The following B4GALT5 variants were observed in gnomAD, a reference collection of about 807,000 sequenced individuals.
B4GALT5 encodes the protein UDP-Gal:beta-GlcNAc beta-1,4-galactosyltransferase 5.
B4GALT5 carries 11 observed loss-of-function variants against 45.0 expected under a neutral mutation model. The observed-to-expected ratio is 0.24, with a 90% CI of 0.15 to 0.40. B4GALT5 has a LOEUF of 0.40. Among genes scored for constraint, B4GALT5 ranks in the 10% least tolerant of loss-of-function variants. The pLI is 1.00. For synonymous variants in B4GALT5, 185 were observed against 182.9 expected (o/e 1.01, Z -0.09); for missense variants, 337 against 500.2 (o/e 0.67, Z 3.11).
At chr20:49,646,197 G>C (rs2085598563) in intron 3 of B4GALT5, among the ~76,000 whole-genome samples, 1 of 152,150 alleles carries the variant, frequency 6.6e-6, no homozygotes, top group Non-Finnish European at 1.5e-5. Context: ...AGGTATAATA[G>C]TAAGGTTCAT....
At position 49,653,798 on chromosome 20, in the gene B4GALT5, G is replaced by A. The variant is rs2085631544; in HGVS notation, c.250+2770C>T. 2.0e-5 allele frequency among the ~76,000 whole-genome samples: 3 copies of A among 152,198 alleles called. No homozygotes were observed. The East Asian group carries it at 5.8e-4, about 29-fold the overall frequency. ...GATTGTTCTAACCAGAGAGATGCAAGGAAAAGGTATTTGGGTGTATGATAA... is the reference window on the plus strand; with the variant it reads ...GATTGTTCTAACCAGAGAGATGCAAAGAAAAGGTATTTGGGTGTATGATAA... On this transcript the variant is annotated intron_variant, in intron 2 of 8. Transcript: ENST00000371711.
chr20:49,678,275 G>T (rs1016752033), intron 1 of B4GALT5, among the ~76,000 whole-genome samples: 1 of 152,192 alleles, frequency 6.6e-6, no homozygotes, highest in African/African-American at 2.4e-5. Context: ...TACTAATTTC[G>T]CAGAGCAAGT....
intron 7 of B4GALT5, among the ~76,000 whole-genome samples, chr20:49,637,772 T>TAAA (rs200578529): frequency 1.5e-5 from 2 of 134,082 alleles, no homozygotes; most frequent in Non-Finnish European, 3.2e-5. Flanking sequence ...CATCTCTACT[T>TAAA]AAAAAAAAAA....
chr20:49,636,534 G>A (rs1244684811), intron 8 of B4GALT5, 75 bp from the exon 9 acceptor site: 45 of 1,540,776 alleles, frequency 2.9e-5, no homozygotes, highest in Non-Finnish European at 4.0e-5. Flanking sequence ...GATGGAGCAG[G>A]GCGTCCCACA....
chr20:49,657,058 T>A (rs2123019324), intron 1 of B4GALT5, among the ~76,000 whole-genome samples: 1 of 152,308 alleles, frequency 6.6e-6, no homozygotes, highest in Non-Finnish European at 1.5e-5. Context: ...TTTTAAAGGT[T>A]TCTGCTCTCT....
At chr20:49,659,662 G>T (rs951480252) in intron 1 of B4GALT5, among the ~76,000 whole-genome samples, 8 of 152,036 alleles carry the variant, frequency 5.3e-5, no homozygotes, top group African/African-American at 1.9e-4. Flanking sequence ...GCATTTTAAG[G>T]AACACTCACC....
At chr20:49,649,096 C>A (rs1463062140) in intron 2 of B4GALT5, among the ~76,000 whole-genome samples, 1 of 152,170 alleles carries the variant, frequency 6.6e-6, no homozygotes, top group Non-Finnish European at 1.5e-5. Flanking sequence ...TATATGCACA[C>A]GGCTGCCTAC....
intron 1 of B4GALT5, among the ~76,000 whole-genome samples, chr20:49,657,170 G>A (rs1448178269): frequency 6.6e-6 from 1 of 152,090 alleles, no homozygotes; most frequent in Non-Finnish European, 1.5e-5. Flanking sequence ...CTGAAGCCAC[G>A]GTCTGGTCTT....
chr20:49,667,457 G>T (rs2085696319), intron 1 of B4GALT5, among the ~76,000 whole-genome samples: 1 of 151,888 alleles, frequency 6.6e-6, no homozygotes, highest in Admixed American at 6.6e-5. Flanking sequence ...GTTTCACTGT[G>T]TCAGCCAGGA....
rs569561090 is a variant in B4GALT5, at chr20:49,711,363, A to G, written c.115+2213T>C. Among the ~76,000 whole-genome samples, 22 of 152,334 alleles carry G rather than the reference A, an allele frequency of 1.4e-4. No individual in the cohort carries two copies. In the East Asian group the frequency reaches 1.7e-3, roughly 12 times the overall value. ...CTGTTGAGGAATCTTAATTAAATTGATAAGTTCCATTTCTGTTGAAGAATC... is the reference window on the plus strand; with the variant it reads ...CTGTTGAGGAATCTTAATTAAATTGGTAAGTTCCATTTCTGTTGAAGAATC... On this transcript the variant is annotated intron_variant, in intron 1 of 8. Coordinates refer to ENST00000371711, the MANE Select transcript of B4GALT5 (RefSeq NM_004776.4).
intron 1 of B4GALT5, among the ~76,000 whole-genome samples, chr20:49,712,842 G>T (rs542234958): frequency 2.0e-5 from 3 of 148,990 alleles, no homozygotes; most frequent in Non-Finnish European, 4.5e-5. Context: ...CGAGGTGGGG[G>T]GGGGGGAGAT....
At chr20:49,690,065 A>G (rs986784015) in intron 1 of B4GALT5, among the ~76,000 whole-genome samples, 2 of 152,122 alleles carry the variant, frequency 1.3e-5, no homozygotes, top group African/African-American at 2.4e-5. Flanking sequence ...GTGCAGTGGC[A>G]TGATCTCAGC....
At chr20:49,708,797 T>C (rs1477467270) in intron 1 of B4GALT5, among the ~76,000 whole-genome samples, 4 of 152,018 alleles carry the variant, frequency 2.6e-5, no homozygotes, top group African/African-American at 9.7e-5. Flanking sequence ...CCGGGTGTGG[T>C]GGCAGGTGCC....
chr20:49,670,904 T>C (rs971220626), intron 1 of B4GALT5, among the ~76,000 whole-genome samples: 5 of 152,166 alleles, frequency 3.3e-5, no homozygotes, highest in East Asian at 1.9e-4. Flanking sequence ...AAAGAAATAA[T>C]TGGATAAATA....
intron 3 of B4GALT5, among the ~76,000 whole-genome samples, chr20:49,644,432 A>G (rs2085590762): frequency 6.6e-6 from 1 of 152,122 alleles, no homozygotes; most frequent in African/African-American, 2.4e-5. Context: ...CTGAGCTTAG[A>G]GTCATGTCAG....
chr20:49,637,181 G>A (rs1280602782), intron 8 of B4GALT5, among the ~76,000 whole-genome samples, 160 bp downstream of exon 8: 1 of 152,156 alleles, frequency 6.6e-6, no homozygotes, highest in African/African-American at 2.4e-5. Flanking sequence ...TCCCCACACT[G>A]TTCTGCCTCA....
intron 1 of B4GALT5, among the ~76,000 whole-genome samples, chr20:49,657,519 T>A (rs2085648365): frequency 6.6e-6 from 1 of 152,244 alleles, no homozygotes; most frequent in Non-Finnish European, 1.5e-5. Flanking sequence ...ATGCCATCTA[T>A]TTTCAAGAAA....
At chr20:49,665,019 G>C (rs1336983820) in intron 1 of B4GALT5, among the ~76,000 whole-genome samples, 1 of 152,148 alleles carries the variant, frequency 6.6e-6, no homozygotes, top group African/African-American at 2.4e-5. Flanking sequence ...GCAACTGCCA[G>C]GTTAAGTGGC....
At chr20:49,639,607 C>A in intron 7 of B4GALT5, 71 bp downstream of exon 7, 1 of 1,568,296 alleles carries the variant, frequency 6.4e-7, no homozygotes, top group South Asian at 1.2e-5. Flanking sequence ...GCATTATATT[C>A]CTATCGGATA....
Sources: gnomAD v4.1 joint callset for allele counts (sites outside exome capture counted in the v4.1 genomes callset) on GRCh38, gnomAD v4.1.1 for gene constraint, MANE v1.5 for transcripts, NCBI Gene and HGNC (gene_info 2026-07-23, HGNC 2026-07-21) for gene names.